KIF13B: variants seen among roughly 807,000 people sequenced by gnomAD.
KIF13B encodes the protein kinesin-like protein KIF13B.
KIF13B carries 127 observed loss-of-function variants against 222.0 expected under a neutral mutation model. The ratio of observed to expected loss-of-function variants is 0.57; its 90% CI spans 0.50 to 0.66. The LOEUF (loss-of-function observed/expected upper bound fraction) is 0.66, where lower values mean the gene tolerates loss of function less well. Among genes scored for constraint, KIF13B ranks in the 30% least tolerant of loss-of-function variants. The pLI is 0.00. For missense variants in KIF13B, 2,173 were observed against 2,379.0 expected (o/e 0.91, Z 1.80); for synonymous variants, 976 against 919.0 (o/e 1.06, Z -1.12).
At chr8:29,137,002 A>G (rs1019249934) in intron 21 of KIF13B, among the ~76,000 whole-genome samples, 3 of 151,682 alleles carry the variant, frequency 2.0e-5, no homozygotes, top group South Asian at 2.1e-4. Flanking sequence ...GGGTTTCACC[A>G]TGTTAGCCAG....
rs547584897 is a variant in KIF13B, at chr8:29,242,791, C to A, written c.149+2555G>T. On this transcript the variant is annotated intron_variant, in intron 2 of 39. Coordinates refer to ENST00000524189, the MANE Select transcript of KIF13B (RefSeq NM_015254.4). ...TCCTATGTTCACAGCAATGTTTTGA[C>A]CTGGTTTTCCAATTAGTTGATACCA... 6.3e-4 allele frequency among the ~76,000 whole-genome samples: 96 copies of A among 152,282 alleles called. 1 individual carries two copies. The highest frequency in any genetic ancestry group is 2.0e-3 in the African/African-American group (85 of 41,546).
intron 31 of KIF13B, 147 bp from the exon 32 acceptor site, chr8:29,113,702 C>T (rs1338587196): frequency 2.3e-5 from 15 of 654,786 alleles, no homozygotes; most frequent in South Asian, 2.1e-4. Flanking sequence ...TCACCAAGTA[C>T]GGTTTCTTCA....
At chr8:29,254,001 A>T (rs1334224110) in intron 1 of KIF13B, among the ~76,000 whole-genome samples, 1 of 152,206 alleles carries the variant, frequency 6.6e-6, no homozygotes, top group Non-Finnish European at 1.5e-5. Context: ...ACATATATAC[A>T]TTGATGGAAT....
rs1333747932 is a variant in KIF13B at position 29,103,721 on chromosome 8, C to T, written c.4215+4418G>A. On this transcript the variant is annotated intron_variant, in intron 35 of 39. Transcript: ENST00000524189. ...GACAAATAGAGGAATGGAAAGCAGG[C>T]TGGCCTCATTCCAAGTATTATTAGA... Among the ~76,000 whole-genome samples, 7 of 152,276 alleles carry T rather than the reference C, an allele frequency of 4.6e-5. No individual in the cohort carries two copies. In the East Asian group the frequency reaches 1.2e-3, roughly 25 times the overall value.
intron 1 of KIF13B, 25 bp downstream of exon 1, chr8:29,262,955 C>CG: frequency 6.4e-7 from 1 of 1,551,282 alleles, no homozygotes; most frequent in Non-Finnish European, 8.7e-7. Context: ...TCCGCCCCGG[C>CG]GGCCCAGGAG....
chr8:29,261,031 CA>C (rs1172520898), intron 1 of KIF13B, among the ~76,000 whole-genome samples: 1 of 152,106 alleles, frequency 6.6e-6, no homozygotes, highest in East Asian at 1.9e-4. Context: ...ACAATTACTT[CA>C]TAACAAAAAT....
chr8:29,080,526 G>C (rs1034273551), intron 37 of KIF13B, among the ~76,000 whole-genome samples: 1 of 152,182 alleles, frequency 6.6e-6, no homozygotes, highest in Non-Finnish European at 1.5e-5. Flanking sequence ...GAGGCCTTCA[G>C]TGACCACCCT....
chr8:29,185,390 T>C (rs772247475), intron 6 of KIF13B, among the ~76,000 whole-genome samples: 6 of 152,220 alleles, frequency 3.9e-5, no homozygotes, highest in Non-Finnish European at 5.9e-5. Flanking sequence ...TTTTAATTAT[T>C]TGTTTACAAA....
At position 29,177,552 on chromosome 8, in the gene KIF13B, G is replaced by C; in HGVS notation, c.747C>G (p.Leu249=). Residue 249 remains leucine (L), a synonymous_variant, in exon 9 of 40, where the codon CTC becomes CTG. Transcript: ENST00000524189. ...SGTSGEKVGK[L]SLVDLAGSER... is the part of the protein sequence containing the mutation. ...CACTGCCAGCTAAATCCACCAGGCTGAGTTTGCCCACTTTCTCTCCAGATG... is the reference window on the plus strand; with the variant it reads ...CACTGCCAGCTAAATCCACCAGGCTCAGTTTGCCCACTTTCTCTCCAGATG... The C allele has an allele frequency of 6.2e-7, 1 of 1,613,584 alleles. No individual in the cohort carries two copies. The highest frequency in any genetic ancestry group is 8.5e-7 in the Non-Finnish European group (1 of 1,179,556).
rs546003353 is a variant in KIF13B at position 29,198,987 on chromosome 8, C to T, written c.150-2788G>A. Among the ~76,000 whole-genome samples, 14 of 151,920 alleles carry T rather than the reference C, an allele frequency of 9.2e-5. No homozygotes were observed. The East Asian group carries it at 9.7e-4, about 10-fold the overall frequency. ...GGTACAATGTACACTACTTAGGTGA[C>T]GGGTACACTAAAATCTCAGAAGTCC... On this transcript the variant is annotated intron_variant, in intron 2 of 39. Coordinates refer to ENST00000524189, the MANE Select transcript of KIF13B (RefSeq NM_015254.4).
chr8:29,168,164 A>G (rs1333421859), intron 10 of KIF13B, among the ~76,000 whole-genome samples: 2 of 152,258 alleles, frequency 1.3e-5, no homozygotes, highest in African/African-American at 4.8e-5. Flanking sequence ...TAGCACTTCA[A>G]AAGCTACTAA....
rs757067661 is a variant in KIF13B, at chr8:29,071,140, C to T, written c.5219-374G>A. 1.3e-5 allele frequency among the ~76,000 whole-genome samples: 2 copies of T among 152,188 alleles called. No homozygotes were observed. Among genetic ancestry groups the T allele is most frequent in the African/African-American group, 4.8e-5 (2 of 41,444 alleles). On this transcript the variant is annotated intron_variant, in intron 39 of 39. Coordinates refer to ENST00000524189, the MANE Select transcript of KIF13B (RefSeq NM_015254.4). This position sits in a 1 kb window ranked among gnomAD's most constrained non-coding sequence, Gnocchi z 4.9. ...GGAACAGACCCTTCTCCATCTGGACCCAGGCCTGGGCTGGGTGGCGGGAGA... is the reference window on the plus strand; with the variant it reads ...GGAACAGACCCTTCTCCATCTGGACTCAGGCCTGGGCTGGGTGGCGGGAGA...
Position 29,067,610 on chromosome 8 carries a change from G to A in KIF13B, c.*2894C>T, listed in dbSNP as rs768380193. On this transcript the variant is annotated 3_prime_UTR_variant, in exon 40 of 40. Coordinates refer to ENST00000524189, the MANE Select transcript of KIF13B (RefSeq NM_015254.4). The stretch of plus-strand genomic sequence containing the variant: ...GACTTTGTGGAGAGAAAGATGCTTT[G>A]GGGGTTCAATGGGTCAGTATCTTGG... The A allele has an allele frequency of 6.6e-6, 1 of 152,314 alleles. No homozygotes were observed. The highest frequency in any genetic ancestry group is 2.4e-5 in the African/African-American group (1 of 41,450). The allele number at this position is 152,314 out of a possible 1,614,324, so 9.4% of individuals were successfully genotyped here.
At position 29,217,793 on chromosome 8, in the gene KIF13B, C is replaced by G. The variant is rs563894185; in HGVS notation, c.150-21594G>C. 3.1e-3 allele frequency among the ~76,000 whole-genome samples: 477 copies of G among 152,340 alleles called. 1 individual carries two copies. The highest frequency in any genetic ancestry group is 4.5e-3 in the Non-Finnish European group (308 of 68,028). ...AAGGTGCCCAGTTCAAAACCTCCCC[C>G]ACCATACTCCACCAACTAGAAATTA... On this transcript the variant is annotated intron_variant, in intron 2 of 39. Coordinates refer to ENST00000524189, the MANE Select transcript of KIF13B (RefSeq NM_015254.4).
At position 29,068,916 on chromosome 8, in the gene KIF13B, C is replaced by G. The variant is rs1244348756; in HGVS notation, c.*1588G>C. On this transcript the variant is annotated 3_prime_UTR_variant, in exon 40 of 40. Transcript: ENST00000524189. The surrounding 1 kb of genome is among the most constrained non-coding windows in gnomAD (Gnocchi z 4.4). ...GAGAGCCCTGGAGGAGTGCCTCCCCCCAGGGGCCGGGCCCTCTGCCAGCCC... is the reference window on the plus strand; with the variant it reads ...GAGAGCCCTGGAGGAGTGCCTCCCCGCAGGGGCCGGGCCCTCTGCCAGCCC... The G allele has an allele frequency of 2.0e-5, 3 of 152,336 alleles. No individual in the cohort carries two copies. The highest frequency in any genetic ancestry group is 2.1e-4 in the South Asian group (1 of 4,822). The allele number at this position is 152,336 out of a possible 1,614,324, so 9.4% of individuals were successfully genotyped here. A position where few individuals can be genotyped will look rare whatever the true frequency, so the allele number is the denominator to read the frequency against.
chr8:29,178,239 T>C (rs1812563549), intron 8 of KIF13B, among the ~76,000 whole-genome samples: 1 of 152,128 alleles, frequency 6.6e-6, no homozygotes, highest in Admixed American at 6.5e-5. Flanking sequence ...TTCATGGATA[T>C]TTATCAATAA....
At chr8:29,176,031 C>G (rs753488652) in intron 10 of KIF13B, 37 bp downstream of exon 10, 142 of 1,270,940 alleles carry the variant, frequency 1.1e-4, no homozygotes, top group Admixed American at 1.4e-4. Context: ...TGCCAACCAC[C>G]AAAAGTATGC....
chr8:29,128,492 G>A (rs780704326), intron 24 of KIF13B, among the ~76,000 whole-genome samples: 17 of 152,148 alleles, frequency 1.1e-4, no homozygotes, highest in Non-Finnish European at 2.2e-4. Flanking sequence ...TATCACCAAG[G>A]ACTAAGCCTC....
intron 12 of KIF13B, among the ~76,000 whole-genome samples, chr8:29,162,160 T>C (rs1331048864): frequency 6.6e-6 from 1 of 152,030 alleles, no homozygotes; most frequent in East Asian, 1.9e-4. Flanking sequence ...TATGGGTAAA[T>C]AGCAAGTAGC....
Sources: allele counts gnomAD v4.1 joint callset (sites outside exome capture counted in the v4.1 genomes callset), GRCh38; gene constraint gnomAD v4.1.1; non-coding constraint Gnocchi (gnomAD v3.1); transcripts MANE v1.5; gene names NCBI Gene and HGNC (gene_info 2026-07-23, HGNC 2026-07-21).